The following PCDH15 variants were observed in gnomAD, a reference collection of about 807,000 sequenced individuals.
PCDH15 encodes protocadherin related 15, also known as protocadherin-15.
Under a neutral mutation model 178.5 loss-of-function variants are expected in PCDH15, and 129 were observed. The observed-to-expected ratio is 0.72, with a 90% CI of 0.63 to 0.84. The LOEUF (loss-of-function observed/expected upper bound fraction) is 0.84. Ranked by LOEUF, PCDH15 falls within the 40% of genes least tolerant of loss-of-function variation. The pLI is 0.00. For synonymous variants in PCDH15, 800 were observed against 732.0 expected (o/e 1.09, Z -1.50); for missense variants, 2,230 against 2,099.9 (o/e 1.06, Z -1.21).
At chr10:54,444,332 A>G (rs538531432) in intron 3 of PCDH15, among the ~76,000 whole-genome samples, 2 of 151,836 alleles carry the variant, frequency 1.3e-5, no homozygotes, top group Non-Finnish European at 3.0e-5. Flanking sequence ...TATAGTGTGC[A>G]TGGCACATGC....
At chr10:54,499,234 T>C (rs2080410105) in intron 3 of PCDH15, among the ~76,000 whole-genome samples, 1 of 152,130 alleles carries the variant, frequency 6.6e-6, no homozygotes, top group African/African-American at 2.4e-5. Flanking sequence ...GAGACTTCAA[T>C]ACCCCAATGA....
At chr10:54,297,074 G>T (rs2059844043) in intron 8 of PCDH15, among the ~76,000 whole-genome samples, 1 of 152,090 alleles carries the variant, frequency 6.6e-6, no homozygotes, top group Non-Finnish European at 1.5e-5. Flanking sequence ...GGACTGTTGT[G>T]GGTGCTTGGG....
At chr10:53,918,151 T>G (rs1346939380) in intron 25 of PCDH15, among the ~76,000 whole-genome samples, 1 of 152,216 alleles carries the variant, frequency 6.6e-6, no homozygotes, top group Non-Finnish European at 1.5e-5. Context: ...TGGTTTTCCA[T>G]ATTTAATGGG....
intron 18 of PCDH15, among the ~76,000 whole-genome samples, chr10:54,032,064 A>C (rs2135428676): frequency 6.6e-6 from 1 of 150,766 alleles, no homozygotes; most frequent in African/African-American, 2.4e-5. Flanking sequence ...TAGTTTTCCA[A>C]CCTCTTCTTA....
chr10:55,005,226 A>AATAATAATC (rs34847205), intron 2 of PCDH15, among the ~76,000 whole-genome samples: 1 of 146,522 alleles, frequency 6.8e-6, no homozygotes, highest in Non-Finnish European at 1.5e-5. Flanking sequence ...TAATAATAAT[A>AATAATAATC]ATCAATGGAG....
At chr10:55,167,932 T>C (rs1839236509) in intron 1 of PCDH15, among the ~76,000 whole-genome samples, 1 of 152,052 alleles carries the variant, frequency 6.6e-6, no homozygotes, top group Non-Finnish European at 1.5e-5. Flanking sequence ...CGCATATAAA[T>C]TAAAATTTTA....
At chr10:54,936,155 ATGAC>A (rs771536076) in intron 2 of PCDH15, among the ~76,000 whole-genome samples, 4 of 152,074 alleles carry the variant, frequency 2.6e-5, no homozygotes, top group Admixed American at 6.6e-5. Context: ...GGGTCTTTAT[ATGAC>A]TGGTTTCTCT....
chr10:55,505,734 T>C (rs1329966349), intron 2 of PCDH15, among the ~76,000 whole-genome samples: 1 of 151,488 alleles, frequency 6.6e-6, no homozygotes, highest in African/African-American at 2.4e-5. Context: ...GCACAATCTA[T>C]TCCTTCAAAA....
chr10:54,572,990 C>T (rs997744585), intron 2 of PCDH15, among the ~76,000 whole-genome samples: 1 of 152,032 alleles, frequency 6.6e-6, no homozygotes, highest in Non-Finnish European at 1.5e-5. Flanking sequence ...ATCTGCAAAT[C>T]CAAGATTATA....
rs561389469 is a variant in PCDH15 at position 54,140,577 on chromosome 10, C to T, written c.1785-7570G>A. On this transcript the variant is annotated intron_variant, in intron 14 of 37. Coordinates refer to ENST00000644397, the MANE Select transcript of PCDH15 (RefSeq NM_001384140.1). ...CCTGCCTCCCGGGTTCAAGTGATTC[C>T]CCTTCCTCAGCCTCAGTCCTCAGCT... 2.0e-5 allele frequency among the ~76,000 whole-genome samples: 3 copies of T among 152,022 alleles called. No individual in the cohort carries two copies. The East Asian group carries it at 5.8e-4, about 29-fold the overall frequency.
intron 21 of PCDH15, among the ~76,000 whole-genome samples, chr10:53,968,318 T>C (rs1045694180): frequency 3.3e-5 from 5 of 152,132 alleles, no homozygotes; most frequent in Admixed American, 2.6e-4. Flanking sequence ...GCATCCACCA[T>C]TGCTGAGGCT....
Position 55,111,529 on chromosome 10 carries a change from A to C in PCDH15, c.-80+55047T>G, listed in dbSNP as rs181488305. Among the ~76,000 whole-genome samples, 180 of 151,220 alleles carry C rather than the reference A, an allele frequency of 1.2e-3. 1 individual carries two copies. The highest frequency in any genetic ancestry group is 2.2e-3 in the Non-Finnish European group (151 of 67,952). On this transcript the variant is annotated intron_variant, in intron 2 of 5. Coordinates refer to the PCDH15 transcript ENST00000458638. Reference sequence around the variant, plus strand: ...ACTCAATTGGGAGTCCAGAGATACTATTTAAAAAAAAAAAATTTAAAAAAG... The same window carrying C: ...ACTCAATTGGGAGTCCAGAGATACTCTTTAAAAAAAAAAAATTTAAAAAAG...
chr10:53,812,143 A>G (rs993528974), intron 35 of PCDH15, among the ~76,000 whole-genome samples: 1 of 152,172 alleles, frequency 6.6e-6, no homozygotes, highest in Non-Finnish European at 1.5e-5. Flanking sequence ...TTAATGTGTA[A>G]TGCTTCCCAA....
At chr10:55,484,157 T>A in intron 2 of PCDH15, among the ~76,000 whole-genome samples, 1 of 151,080 alleles carries the variant, frequency 6.6e-6, no homozygotes, top group Non-Finnish European at 1.5e-5. Flanking sequence ...AGGGTAGGAG[T>A]AGGGAGAGGT....
intron 2 of PCDH15, among the ~76,000 whole-genome samples, chr10:55,119,127 T>C (rs1156711019): frequency 6.6e-6 from 1 of 152,140 alleles, no homozygotes; most frequent in East Asian, 1.9e-4. Context: ...TTGATGCATG[T>C]TTCATTGTCC....
chr10:54,772,477 A>T (rs779477739), intron 1 of PCDH15, among the ~76,000 whole-genome samples: 10 of 152,174 alleles, frequency 6.6e-5, no homozygotes, highest in Non-Finnish European at 1.3e-4. Context: ...CTCCACTCAA[A>T]AGAAGACATA....
In PCDH15 at chr10:54,664,236, T is replaced by G; in HGVS notation, c.27A>C (p.Thr9=). The change falls in exon 2 of 38, where the codon ACA becomes ACC. Residue 9 remains threonine, a synonymous_variant. Coordinates refer to ENST00000644397, the MANE Select transcript of PCDH15 (RefSeq NM_001384140.1). MFRQFYLW[T]CLASGIILGS... ...CCAGGATGATCCCTGAAGCTAAACA[T>G]GTCCAGAGATAAAACTGTCGAAACA... The G allele has an allele frequency of 6.2e-7, 1 of 1,612,074 alleles. No homozygotes were observed. Among genetic ancestry groups the G allele is most frequent in the Non-Finnish European group, 8.5e-7 (1 of 1,178,754 alleles).
At chr10:55,269,520 T>C (rs1350584496) in intron 1 of PCDH15, among the ~76,000 whole-genome samples, 1 of 151,992 alleles carries the variant, frequency 6.6e-6, no homozygotes, top group African/African-American at 2.4e-5. Context: ...AAGAACATGA[T>C]CCCATTTACA....
intron 23 of PCDH15, among the ~76,000 whole-genome samples, chr10:53,950,514 T>G: frequency 6.6e-6 from 1 of 152,190 alleles, no homozygotes; most frequent in East Asian, 1.9e-4. Context: ...GGCAAATTTT[T>G]TGATAAATTG....
Sources: allele counts gnomAD v4.1 joint callset (sites outside exome capture counted in the v4.1 genomes callset), GRCh38; gene constraint gnomAD v4.1.1; transcripts MANE v1.5; gene names NCBI Gene and HGNC (gene_info 2026-07-23, HGNC 2026-07-21).